The following PDE4D variants were observed in gnomAD, a reference collection of about 807,000 sequenced individuals.
The protein encoded by PDE4D is phosphodiesterase 4D, also known as 3',5'-cyclic-AMP phosphodiesterase 4D.
PDE4D carries 24 observed loss-of-function variants against 87.4 expected under a neutral mutation model. The observed-to-expected ratio is 0.27, with a 90% CI of 0.20 to 0.39. The LOEUF is 0.39. Ranked by LOEUF, PDE4D falls within the 10% of genes least tolerant of loss-of-function variation. The probability of loss-of-function intolerance (pLI) is 1.00; values close to 1 mark genes in which losing one functional copy is unlikely to be tolerated. For missense variants in PDE4D, 714 were observed against 1,041.0 expected, an observed-to-expected ratio of 0.69 and a Z score of 4.32; for synonymous variants, 384 against 383.2, an observed-to-expected ratio of 1.00 and a Z score of -0.02.
Position 59,562,129 on chromosome 5 carries a change from TTTTTGTTTTG to T in PDE4D, c.455+331029_455+331038del, listed in dbSNP as rs145689177. ...AGAATACAGAGAAAGCCCAAAGTGT[TTTTTGTTTTG>T]TTTTGTTTTGTTTTGTTTTTTTCAG... On this transcript the variant is annotated intron_variant, in intron 1 of 14. Transcript: ENST00000340635. Among the ~76,000 whole-genome samples the T allele has an allele frequency of 5.4e-3, 829 of 152,142 alleles. 1 individual carries two copies. The highest frequency in any genetic ancestry group is 9.0e-3 in the Non-Finnish European group (612 of 67,984).
At chr5:59,593,119 A>C (rs1045279640) in intron 1 of PDE4D, among the ~76,000 whole-genome samples, 3 of 152,024 alleles carry the variant, frequency 2.0e-5, no homozygotes, top group African/African-American at 2.4e-5. Flanking sequence ...GAAAAAATAC[A>C]AATAATGTAA....
chr5:59,204,920 A>G (rs1748409145), intron 2 of PDE4D, among the ~76,000 whole-genome samples: 1 of 152,258 alleles, frequency 6.6e-6, no homozygotes, highest in Admixed American at 6.5e-5. Context: ...AACAGAGAGG[A>G]GAGCAATGTG....
intron 2 of PDE4D, among the ~76,000 whole-genome samples, chr5:60,038,343 G>A (rs1224472870): frequency 6.6e-6 from 1 of 152,080 alleles, no homozygotes; most frequent in African/African-American, 2.4e-5. Context: ...TTCTACATAT[G>A]GCTAGCCAGT....
chr5:60,206,449 GA>G (rs1302183898), intron 1 of PDE4D, among the ~76,000 whole-genome samples: 1 of 152,106 alleles, frequency 6.6e-6, no homozygotes, highest in Non-Finnish European at 1.5e-5. Flanking sequence ...GCTTTGTTTT[GA>G]AATTTCTAAA....
intron 1 of PDE4D, among the ~76,000 whole-genome samples, chr5:60,214,760 A>G (rs1290727054): frequency 2.0e-5 from 3 of 152,172 alleles, no homozygotes; most frequent in African/African-American, 7.2e-5. Context: ...TAGAGAAAAT[A>G]CCATACTCCA....
At chr5:60,002,790 C>T (rs1041156449) in intron 2 of PDE4D, among the ~76,000 whole-genome samples, 6 of 152,130 alleles carry the variant, frequency 3.9e-5, no homozygotes, top group Non-Finnish European at 8.8e-5. Context: ...ACAATAAACG[C>T]CATATTTGAG....
At chr5:59,449,255 A>G (rs1348250808) in intron 1 of PDE4D, among the ~76,000 whole-genome samples, 1 of 152,130 alleles carries the variant, frequency 6.6e-6, no homozygotes, top group Non-Finnish European at 1.5e-5. Flanking sequence ...AGTTAGTAAT[A>G]GTCCCCCTTT....
intron 5 of PDE4D, among the ~76,000 whole-genome samples, chr5:59,082,683 T>C (rs1030697722): frequency 3.3e-5 from 5 of 152,132 alleles, no homozygotes; most frequent in Non-Finnish European, 7.4e-5. Flanking sequence ...TTTTAAAAAC[T>C]TGAAGAATAT....
intron 1 of PDE4D, among the ~76,000 whole-genome samples, chr5:59,851,311 T>C (rs752598544): frequency 6.6e-6 from 1 of 152,044 alleles, no homozygotes; most frequent in Non-Finnish European, 1.5e-5. Context: ...CCATAACCAC[T>C]GAAGAAAGAT....
chr5:59,670,351 C>A (rs575694840), intron 1 of PDE4D, among the ~76,000 whole-genome samples: 1 of 152,204 alleles, frequency 6.6e-6, no homozygotes, highest in Non-Finnish European at 1.5e-5. Context: ...ATCCAAAATG[C>A]AAAATGTTCC....
chr5:59,523,392 A>G (rs1397914625), intron 1 of PDE4D, among the ~76,000 whole-genome samples: 1 of 152,188 alleles, frequency 6.6e-6, no homozygotes, highest in African/African-American at 2.4e-5. Context: ...TGAGTTTTCT[A>G]TTTCTATTTG....
chr5:59,771,495 G>GGAAAGAAAGAAAGAAAGAA (rs1561637703), intron 1 of PDE4D, among the ~76,000 whole-genome samples: 1 of 29,896 alleles, frequency 3.3e-5, no homozygotes, highest in Non-Finnish European at 8.0e-5. Flanking sequence ...GAGAGAGAGA[G>GGAAAGAAAGAAAGAAAGAA]AGAGAAGAAA....
chr5:59,633,444 A>G (rs1403390575), intron 1 of PDE4D, among the ~76,000 whole-genome samples: 1 of 152,220 alleles, frequency 6.6e-6, no homozygotes, highest in Non-Finnish European at 1.5e-5. Context: ...CGTGAGATTC[A>G]TCAAGGTTGA....
chr5:60,292,985 A>G (rs974768187), intron 1 of PDE4D, among the ~76,000 whole-genome samples: 4 of 151,860 alleles, frequency 2.6e-5, no homozygotes, highest in African/African-American at 9.7e-5. Flanking sequence ...TCCTTATGAA[A>G]TATTTATTTT....
At chr5:60,273,305 C>A (rs150990413) in intron 1 of PDE4D, among the ~76,000 whole-genome samples, 503 of 152,166 alleles carry the variant, frequency 3.3e-3, no homozygotes, top group Middle Eastern at 0.017. Context: ...ACACTCCAAG[C>A]AGAGGCATCA....
chr5:59,095,130 C>T (rs973179076), intron 5 of PDE4D, among the ~76,000 whole-genome samples: 5 of 151,750 alleles, frequency 3.3e-5, no homozygotes, highest in African/African-American at 1.2e-4. Flanking sequence ...TGTATACTGC[C>T]ACTCAATTTT....
intron 1 of PDE4D, among the ~76,000 whole-genome samples, chr5:59,711,689 C>T (rs1754221664): frequency 6.6e-6 from 1 of 152,106 alleles, no homozygotes; most frequent in Admixed American, 6.6e-5. Flanking sequence ...ATTTCCAATG[C>T]CAAATTATTC....
chr5:59,220,393 A>G (rs1274258601), intron 1 of PDE4D, among the ~76,000 whole-genome samples: 11 of 142,762 alleles, frequency 7.7e-5, no homozygotes, highest in Non-Finnish European at 1.2e-4. Context: ...AAAAAAAAAA[A>G]AAAAAAAAAG....
chr5:60,122,299 G>T (rs1245083358), intron 2 of PDE4D, among the ~76,000 whole-genome samples: 1 of 152,230 alleles, frequency 6.6e-6, no homozygotes, highest in Non-Finnish European at 1.5e-5. Flanking sequence ...GGGACTCTGT[G>T]TGGAGGCTCC....
Sources: gnomAD v4.1 joint callset for allele counts (sites outside exome capture counted in the v4.1 genomes callset) on GRCh38, gnomAD v4.1.1 for gene constraint, MANE v1.5 for transcripts, NCBI Gene and HGNC (gene_info 2026-07-23, HGNC 2026-07-21) for gene names.